Variants in CTNNA3 observed in about 807,000 individuals in gnomAD.
The protein encoded by CTNNA3 is catenin alpha-3.
A neutral mutation model predicts 95.7 loss-of-function variants in CTNNA3; 76 were observed. That is an observed-to-expected ratio of 0.79 (90% confidence interval 0.66 to 0.96). The LOEUF (loss-of-function observed/expected upper bound fraction) is 0.96, where lower values mean the gene tolerates loss of function less well. Ranked by LOEUF, CTNNA3 falls within the 40% of genes least tolerant of loss-of-function variation. The pLI, the probability that CTNNA3 is intolerant of heterozygous loss-of-function variation, is 0.00. For synonymous variants in CTNNA3, 431 were observed against 374.4 expected (o/e 1.15, Z -1.74); for missense variants, 1,191 against 1,089.8 (o/e 1.09, Z -1.31).
intron 15 of CTNNA3, among the ~76,000 whole-genome samples, chr10:66,060,339 TTAATAAAAAC>T (rs1214914741): frequency 1.3e-5 from 2 of 152,186 alleles, no homozygotes; most frequent in African/African-American, 4.8e-5. Flanking sequence ...TTTCACAACC[TTAATAAAAAC>T]TAATGGGCTT....
rs1215647346 is a variant in CTNNA3, at chr10:67,507,589, A to T, written c.579+14253T>A. Among the ~76,000 whole-genome samples, 7 of 152,092 alleles carry T rather than the reference A, an allele frequency of 4.6e-5. No homozygotes were observed. The South Asian group carries it at 6.2e-4, about 13-fold the overall frequency. On this transcript the variant is annotated intron_variant, in intron 5 of 17. Coordinates refer to ENST00000433211, the MANE Select transcript of CTNNA3 (RefSeq NM_013266.4). Reference sequence around the variant, plus strand: ...AAAAAAGAAAATTAAATCAATAATTAAAAAGTCTCATCAAAGGAAAGCCCA... The same window carrying T: ...AAAAAAGAAAATTAAATCAATAATTTAAAAGTCTCATCAAAGGAAAGCCCA...
intron 5 of CTNNA3, among the ~76,000 whole-genome samples, chr10:67,267,445 A>C (rs1410194896): frequency 6.6e-6 from 1 of 152,132 alleles, no homozygotes; most frequent in South Asian, 2.1e-4. Flanking sequence ...GCTCACTGCA[A>C]GCTCTGCCTC....
chr10:67,550,418 C>G (rs1840983382), intron 3 of CTNNA3, among the ~76,000 whole-genome samples: 2 of 152,094 alleles, frequency 1.3e-5, no homozygotes, highest in African/African-American at 4.8e-5. Flanking sequence ...TGTTCGCTAC[C>G]TTTCAATGAA....
chr10:66,865,084 A>C (rs1053938748), intron 7 of CTNNA3, among the ~76,000 whole-genome samples: 4 of 152,152 alleles, frequency 2.6e-5, no homozygotes, highest in Non-Finnish European at 4.4e-5. Context: ...CAAAAAAATC[A>C]TTTAACCTCT....
chr10:66,649,911 T>G (rs1232773037), intron 9 of CTNNA3, among the ~76,000 whole-genome samples: 1 of 152,172 alleles, frequency 6.6e-6, no homozygotes, highest in Non-Finnish European at 1.5e-5. Context: ...GCTTCAGGCT[T>G]ACCCCAGGTT....
intron 5 of CTNNA3, among the ~76,000 whole-genome samples, chr10:67,397,500 C>G (rs1446703121): frequency 6.6e-6 from 1 of 152,064 alleles, no homozygotes; most frequent in African/African-American, 2.4e-5. Context: ...ACAAAGCATT[C>G]AAGAGGAAGC....
At chr10:67,179,685 T>C (rs1862417847) in intron 7 of CTNNA3, among the ~76,000 whole-genome samples, 1 of 151,828 alleles carries the variant, frequency 6.6e-6, no homozygotes, top group Non-Finnish European at 1.5e-5. Context: ...AAAAATTAGC[T>C]GGGCATGGTA....
intron 13 of CTNNA3, among the ~76,000 whole-genome samples, chr10:66,269,350 A>G (rs2091228108): frequency 6.6e-6 from 1 of 152,212 alleles, no homozygotes; most frequent in Non-Finnish European, 1.5e-5. Flanking sequence ...TGCATTGTCA[A>G]TGTGAGTTTT....
intron 6 of CTNNA3, among the ~76,000 whole-genome samples, chr10:67,197,814 GA>G (rs1222091099): frequency 3.3e-5 from 5 of 151,196 alleles, no homozygotes; most frequent in Admixed American, 6.6e-5. Context: ...TAGGGCTTAA[GA>G]AAAAAAAATT....
chr10:67,506,533 A>T (rs1012521849), intron 5 of CTNNA3, among the ~76,000 whole-genome samples: 3 of 152,206 alleles, frequency 2.0e-5, no homozygotes, highest in Non-Finnish European at 4.4e-5. Flanking sequence ...AACATCTACA[A>T]AAGGCTGCAT....
chr10:65,979,882 T>A (rs1188417874), intron 16 of CTNNA3, among the ~76,000 whole-genome samples: 1 of 152,052 alleles, frequency 6.6e-6, no homozygotes, highest in Non-Finnish European at 1.5e-5. Flanking sequence ...TTCTGTGCAT[T>A]TATTTTTATA....
At chr10:66,457,178 A>G (rs2131838586) in intron 11 of CTNNA3, among the ~76,000 whole-genome samples, 1 of 152,320 alleles carries the variant, frequency 6.6e-6, no homozygotes, top group African/African-American at 2.4e-5. Flanking sequence ...TAGCAAAAGC[A>G]CAATCAATAA....
intron 11 of CTNNA3, among the ~76,000 whole-genome samples, chr10:66,399,834 C>A (rs1303031682): frequency 4.0e-5 from 6 of 151,860 alleles, no homozygotes; most frequent in Admixed American, 3.3e-4. Context: ...CTGTCAGGTG[C>A]CAAGAAAGAA....
At chr10:67,028,185 A>C (rs1000335005) in intron 7 of CTNNA3, among the ~76,000 whole-genome samples, 2 of 151,518 alleles carry the variant, frequency 1.3e-5, no homozygotes, top group South Asian at 4.2e-4. Flanking sequence ...TTTTCTTTTC[A>C]CTGGAGTTTC....
At chr10:67,181,694 C>G (rs916105219) in intron 6 of CTNNA3, among the ~76,000 whole-genome samples, 1 of 149,706 alleles carries the variant, frequency 6.7e-6, no homozygotes, top group East Asian at 1.9e-4. Context: ...TATATAAAAT[C>G]TTATACTTAT....
At chr10:66,583,771 G>A (rs543739176) in intron 10 of CTNNA3, among the ~76,000 whole-genome samples, 1 of 151,326 alleles carries the variant, frequency 6.6e-6, no homozygotes, top group African/African-American at 2.4e-5. Flanking sequence ...TGTATTGTTA[G>A]GCTGTCAATT....
chr10:65,977,239 A>G (rs2078223869), intron 16 of CTNNA3, among the ~76,000 whole-genome samples: 1 of 152,148 alleles, frequency 6.6e-6, no homozygotes, highest in African/African-American at 2.4e-5. Flanking sequence ...GACTCACAAC[A>G]TGTAAGCAGA....
intron 13 of CTNNA3, among the ~76,000 whole-genome samples, chr10:66,270,355 C>A (rs2091253469): frequency 6.6e-6 from 1 of 152,006 alleles, no homozygotes; most frequent in Admixed American, 6.6e-5. Context: ...TAGGCATGCA[C>A]CACCATGCCC....
At chr10:67,138,912 A>G (rs1433117536) in intron 7 of CTNNA3, among the ~76,000 whole-genome samples, 1 of 152,072 alleles carries the variant, frequency 6.6e-6, no homozygotes, top group Admixed American at 6.6e-5. Flanking sequence ...CTTTAAAATT[A>G]TTTTTCTTGG....
Sources: gnomAD v4.1 joint callset for allele counts (sites outside exome capture counted in the v4.1 genomes callset) on GRCh38, gnomAD v4.1.1 for gene constraint, MANE v1.5 for transcripts, NCBI Gene and HGNC (gene_info 2026-07-23, HGNC 2026-07-21) for gene names.